MIPEP: variants seen among roughly 807,000 people sequenced by gnomAD.
The protein encoded by MIPEP is mitochondrial intermediate peptidase.
In MIPEP, 79 loss-of-function variants were observed where a neutral mutation model predicts 90.3. That is an observed-to-expected ratio of 0.87 (90% CI 0.73 to 1.05). The LOEUF (loss-of-function observed/expected upper bound fraction) is 1.05, where lower values mean the gene tolerates loss of function less well. MIPEP is among the 50% of genes least tolerant of loss of function. The probability of loss-of-function intolerance (pLI) is 0.00; values close to 1 mark genes in which losing one functional copy is unlikely to be tolerated. For missense variants in MIPEP, 940 were observed against 905.6 expected (o/e 1.04, Z -0.49); for synonymous variants, 334 against 315.8 (o/e 1.06, Z -0.61).
intron 14 of MIPEP, among the ~76,000 whole-genome samples, chr13:23,813,633 A>G (rs997364344): frequency 6.6e-6 from 1 of 152,168 alleles, no homozygotes; most frequent in Non-Finnish European, 1.5e-5. Context: ...CTTTCACTGT[A>G]TTGCCCAGGC....
chr13:23,771,131 C>A (rs1952645764), intron 16 of MIPEP, among the ~76,000 whole-genome samples: 1 of 152,196 alleles, frequency 6.6e-6, no homozygotes, highest in Non-Finnish European at 1.5e-5. Flanking sequence ...AGGCTCTGCA[C>A]TTACCGGCTG....
intron 10 of MIPEP, among the ~76,000 whole-genome samples, chr13:23,855,640 C>T (rs1297380938): frequency 6.6e-6 from 1 of 152,156 alleles, no homozygotes; most frequent in African/African-American, 2.4e-5. Flanking sequence ...GTGCGGCAGC[C>T]TCCTCTTGTC....
intron 8 of MIPEP, 127 bp downstream of exon 8, chr13:23,864,014 A>G: frequency 1.8e-6 from 1 of 558,362 alleles, no homozygotes; most frequent in East Asian, 3.1e-5. Context: ...TCATAGTGAG[A>G]CAGGTCTGGT....
In MIPEP at chr13:23,784,181, A is replaced by T. The variant is rs1460924986; in HGVS notation, c.1848+21769T>A. Among the ~76,000 whole-genome samples, 4 of 152,298 alleles carry T rather than the reference A, an allele frequency of 2.6e-5. No homozygotes were observed. In the East Asian group the frequency reaches 7.7e-4, roughly 29 times the overall value. On this transcript the variant is annotated intron_variant, in intron 16 of 18. Coordinates refer to ENST00000382172, the MANE Select transcript of MIPEP (RefSeq NM_005932.4). ...CCAAAAAAGAGCCCGCATTGCCAAG[A>T]CAATCCTAAGCCAAAAGAACAGAGC...
In MIPEP at chr13:23,836,199, T is replaced by A. The variant is rs990577920; in HGVS notation, c.1653+41A>T. 7 of 1,340,590 alleles carry A rather than the reference T, an allele frequency of 5.2e-6. No individual in the cohort carries two copies. In the African/African-American group the frequency reaches 9.0e-5, roughly 17 times the overall value. 83.0% of individuals were successfully genotyped at this position (1,340,590 alleles called of 1,614,324 possible). On this transcript the variant is annotated intron_variant, in intron 14 of 18. Coordinates refer to ENST00000382172, the MANE Select transcript of MIPEP (RefSeq NM_005932.4). Reference sequence around the variant, plus strand: ...TCCAGGATGTCATAAACGCCAACTATCACAACCCAAAGGACAAGACGACAA... The same window carrying A: ...TCCAGGATGTCATAAACGCCAACTAACACAACCCAAAGGACAAGACGACAA...
intron 16 of MIPEP, among the ~76,000 whole-genome samples, chr13:23,761,055 C>T (rs1952537233): frequency 6.6e-6 from 1 of 150,968 alleles, no homozygotes; most frequent in Non-Finnish European, 1.5e-5. Flanking sequence ...CAAAAAGTCA[C>T]AGAGCAGAAG....
At position 23,811,326 on chromosome 13, in the gene MIPEP, A is replaced by G. The variant is rs79982982; in HGVS notation, c.1654-1402T>C. Among the ~76,000 whole-genome samples, 1,327 of 152,358 alleles carry G rather than the reference A, an allele frequency of 8.7e-3. 17 individuals carry two copies. The highest frequency in any genetic ancestry group is 0.031 in the African/African-American group (1,283 of 41,584). ...AGAATTGTAAGTAATAAGAAGAGAA[A>G]TCTAACATGACTGACTCCATCCTGC... On this transcript the variant is annotated intron_variant, in intron 14 of 18. Coordinates refer to ENST00000382172, the MANE Select transcript of MIPEP (RefSeq NM_005932.4).
rs1395672273 is a variant in MIPEP, at chr13:23,864,192, A to G, written c.944-3T>C. ...TTCAAGGAACTGCATGACAGTCTCT[A>G]AAACGAAATCCAAAAGAAAATATCT... On this transcript the variant is annotated splice_region_variant and splice_polypyrimidine_tract_variant and intron_variant, in intron 7 of 18. Transcript: ENST00000382172. 1 of 1,552,580 alleles carries G rather than the reference A, an allele frequency of 6.4e-7. No homozygotes were observed. Among genetic ancestry groups the G allele is most frequent in the Non-Finnish European group, 8.7e-7 (1 of 1,145,818 alleles).
intron 16 of MIPEP, among the ~76,000 whole-genome samples, chr13:23,781,340 T>C (rs1314586877): frequency 6.6e-6 from 1 of 152,162 alleles, no homozygotes; most frequent in Non-Finnish European, 1.5e-5. Context: ...CAGAATTTCA[T>C]ATCCAGCCAA....
chr13:23,734,174 A>G (rs1952234832), intron 18 of MIPEP, among the ~76,000 whole-genome samples: 1 of 152,250 alleles, frequency 6.6e-6, no homozygotes, highest in Non-Finnish European at 1.5e-5. Flanking sequence ...AAAATGTGCT[A>G]GCCTATCACG....
chr13:23,731,205 G>A (rs1000595296), intron 18 of MIPEP, among the ~76,000 whole-genome samples: 1 of 152,186 alleles, frequency 6.6e-6, no homozygotes, highest in African/African-American at 2.4e-5. Context: ...GGGTTGAACA[G>A]GCTCTATATA....
rs186445095 is a variant in MIPEP at position 23,873,663 on chromosome 13, T to A, written c.603+1183A>T. 3.3e-5 allele frequency among the ~76,000 whole-genome samples: 5 copies of A among 152,314 alleles called. No individual in the cohort carries two copies. The East Asian group carries it at 9.6e-4, about 29-fold the overall frequency. On this transcript the variant is annotated intron_variant, in intron 5 of 18. Coordinates refer to ENST00000382172, the MANE Select transcript of MIPEP (RefSeq NM_005932.4). ...GAATCAAGGTGATTTGCTTTTGGGA[T>A]GCAGACAGATGCAGGACTGTAGGAA...
At chr13:23,836,434 G>C in intron 13 of MIPEP, 85 bp from the exon 14 acceptor site, 1 of 627,828 alleles carries the variant, frequency 1.6e-6, no homozygotes, top group South Asian at 3.4e-5. Flanking sequence ...ACTTTTATTT[G>C]TACTTCTGAT....
intron 18 of MIPEP, among the ~76,000 whole-genome samples, chr13:23,738,614 G>GTT (rs67929968): frequency 4.9e-5 from 7 of 143,144 alleles, no homozygotes; most frequent in Admixed American, 1.4e-4. Context: ...CGCCCAGCTA[G>GTT]TTTTTTTTTT....
chr13:23,776,063 T>C (rs1465914723), intron 16 of MIPEP, among the ~76,000 whole-genome samples: 2 of 152,164 alleles, frequency 1.3e-5, no homozygotes, highest in Non-Finnish European at 1.5e-5. Flanking sequence ...GGATAGATTG[T>C]TTTCTCCCTG....
chr13:23,888,632 TA>T, intron 1 of MIPEP: 1 of 860,888 alleles, frequency 1.2e-6, no homozygotes, highest in Non-Finnish European at 1.4e-6. Flanking sequence ...AGCTTTGAAA[TA>T]AATTAATTAA....
At chr13:23,788,592 AG>A (rs1231844524) in intron 16 of MIPEP, among the ~76,000 whole-genome samples, 5 of 152,198 alleles carry the variant, frequency 3.3e-5, no homozygotes, top group African/African-American at 1.2e-4. Flanking sequence ...AATAACTGCA[AG>A]GGGCATGAAA....
rs201299738 is a variant in MIPEP, at chr13:23,870,140, A to C, written c.659T>G (p.Leu220Arg). Residue 220 changes from leucine to arginine, a missense_variant, in exon 6 of 19, where the codon CTT becomes CGT. Physicochemically the swap from Leu to Arg is moderately radical, Grantham distance 102. Coordinates refer to ENST00000382172, the MANE Select transcript of MIPEP (RefSeq NM_005932.4). ...CTTGTTGGGAAAATTGGTTCCCATAAGAAATGTACTACTCAAATCCAAGAT... is the reference window on the plus strand; with the variant it reads ...CTTGTTGGGAAAATTGGTTCCCATACGAAATGTACTACTCAAATCCAAGAT... The part of the protein sequence containing the change: ...VKILDLSSTF[L>R]MGTNFPNKIE... 2.0e-5 allele frequency: 32 copies of C among 1,612,252 alleles called. No individual in the cohort carries two copies. The highest frequency in any genetic ancestry group is 2.7e-5 in the African/African-American group (2 of 74,986).
chr13:23,741,334 G>A (rs1283126965), intron 18 of MIPEP, among the ~76,000 whole-genome samples: 1 of 151,992 alleles, frequency 6.6e-6, no homozygotes, highest in Non-Finnish European at 1.5e-5. Context: ...ATACACAAAA[G>A]GAATATAAAT....
Sources: gnomAD v4.1 joint callset for allele counts (sites outside exome capture counted in the v4.1 genomes callset) on GRCh38, gnomAD v4.1.1 for gene constraint, MANE v1.5 for transcripts, NCBI Gene and HGNC (gene_info 2026-07-23, HGNC 2026-07-21) for gene names.